KCNH8: variants seen among roughly 807,000 people sequenced by gnomAD.
The protein encoded by KCNH8 is voltage-gated delayed rectifier potassium channel KCNH8.
In KCNH8, 70 loss-of-function variants were observed where a neutral mutation model predicts 103.6. The ratio of observed to expected loss-of-function variants is 0.68; its 90% CI spans 0.56 to 0.82. KCNH8 has a LOEUF of 0.82. KCNH8 is among the 40% of genes least tolerant of loss of function. The probability of loss-of-function intolerance (pLI) is 0.00; values close to 1 mark genes in which losing one functional copy is unlikely to be tolerated. For missense variants in KCNH8, 1,217 were observed against 1,329.9 expected (o/e 0.92, Z 1.32); for synonymous variants, 498 against 489.4 (o/e 1.02, Z -0.23).
Position 19,534,395 on chromosome 3 carries a change from A to C in KCNH8, c.*296A>C. Reference sequence around the variant, plus strand: ...TCTGAGCAGCTAGAAGTCCTAGACAAAGAACTTGTGGATGACTTTTGTCCC... The same window carrying C: ...TCTGAGCAGCTAGAAGTCCTAGACACAGAACTTGTGGATGACTTTTGTCCC... On this transcript the variant is annotated 3_prime_UTR_variant, in exon 16 of 16. Transcript: ENST00000328405. The C allele has an allele frequency of 2.6e-6, 1 of 380,386 alleles. No individual in the cohort carries two copies. The highest frequency in any genetic ancestry group is 4.5e-5 in the East Asian group (1 of 22,072). 23.6% of individuals were successfully genotyped at this position (380,386 alleles called of 1,614,324 possible).
At chr3:19,220,091 C>G (rs1272002197) in intron 1 of KCNH8, among the ~76,000 whole-genome samples, 1 of 152,162 alleles carries the variant, frequency 6.6e-6, no homozygotes, top group East Asian at 1.9e-4. Flanking sequence ...GCTGAGCTAG[C>G]CAAGCCACCA....
chr3:19,205,170 C>T (rs2063702292), intron 1 of KCNH8, among the ~76,000 whole-genome samples: 1 of 151,942 alleles, frequency 6.6e-6, no homozygotes. Context: ...CTCACTCTTT[C>T]ATATATCTAA....
intron 2 of KCNH8, among the ~76,000 whole-genome samples, chr3:19,271,112 A>T (rs2064581482): frequency 6.6e-6 from 1 of 152,168 alleles, no homozygotes; most frequent in Non-Finnish European, 1.5e-5. Context: ...CACTCCTGTG[A>T]TAATGATTCC....
intron 5 of KCNH8, among the ~76,000 whole-genome samples, chr3:19,354,826 G>GA (rs1455396553): frequency 2.0e-5 from 3 of 152,126 alleles, no homozygotes; most frequent in Non-Finnish European, 4.4e-5. Context: ...CATGTGCAAG[G>GA]ACTTCATGTC....
intron 14 of KCNH8, among the ~76,000 whole-genome samples, chr3:19,515,760 A>G (rs889299468): frequency 6.6e-6 from 1 of 152,058 alleles, no homozygotes; most frequent in African/African-American, 2.4e-5. Context: ...AACATTATCT[A>G]GAGGAAATGC....
chr3:19,163,685 G>A (rs953283740), intron 1 of KCNH8, among the ~76,000 whole-genome samples: 5 of 152,082 alleles, frequency 3.3e-5, no homozygotes, highest in African/African-American at 1.2e-4. Flanking sequence ...TGAATTGCGC[G>A]AGTCCACTTA....
intron 1 of KCNH8, among the ~76,000 whole-genome samples, chr3:19,236,239 C>T (rs2064063255): frequency 6.6e-6 from 1 of 152,190 alleles, no homozygotes; most frequent in Non-Finnish European, 1.5e-5. Flanking sequence ...AAGAAGTCTT[C>T]ATTTGAGTCT....
chr3:19,211,606 CTGA>C (rs1432450620), intron 1 of KCNH8, among the ~76,000 whole-genome samples: 1 of 152,140 alleles, frequency 6.6e-6, no homozygotes, highest in African/African-American at 2.4e-5. Context: ...AGACCTCAGT[CTGA>C]TATTTTAACT....
intron 4 of KCNH8, chr3:19,346,814 T>C (rs1471674114): frequency 1.8e-5 from 7 of 390,086 alleles, no homozygotes; most frequent in Non-Finnish European, 3.1e-5. Flanking sequence ...ACCTATCTTA[T>C]ATTTCCCATT....
intron 2 of KCNH8, among the ~76,000 whole-genome samples, chr3:19,279,821 A>G (rs746536326): frequency 6.6e-6 from 1 of 152,124 alleles, no homozygotes; most frequent in Non-Finnish European, 1.5e-5. Context: ...CCAAGGCTGG[A>G]TGAATACATA....
chr3:19,532,770 T>C (rs2069185236), intron 15 of KCNH8, among the ~76,000 whole-genome samples: 1 of 152,176 alleles, frequency 6.6e-6, no homozygotes, highest in Admixed American at 6.5e-5. Context: ...AATCACTAAT[T>C]AAGATTCCCA....
chr3:19,489,242 GTAT>G (rs1041920415), intron 11 of KCNH8, among the ~76,000 whole-genome samples: 10 of 152,040 alleles, frequency 6.6e-5, no homozygotes, highest in African/African-American at 2.4e-4. Context: ...TAAGGAGGGG[GTAT>G]TCCTGGTACC....
At chr3:19,202,480 G>A (rs929335138) in intron 1 of KCNH8, among the ~76,000 whole-genome samples, 2 of 152,050 alleles carry the variant, frequency 1.3e-5, no homozygotes, top group Admixed American at 1.3e-4. Flanking sequence ...CAAAGACTAT[G>A]TGAATTGTGT....
intron 3 of KCNH8, among the ~76,000 whole-genome samples, chr3:19,337,594 T>G (rs533231947): frequency 6.6e-6 from 1 of 152,098 alleles, no homozygotes; most frequent in Non-Finnish European, 1.5e-5. Flanking sequence ...CTCCTTTTAC[T>G]CCGAACACTC....
In KCNH8 at chr3:19,390,463, C is replaced by A. The variant is rs2066420411; in HGVS notation, c.812-18C>A. The A allele has an allele frequency of 6.3e-7, 1 of 1,582,778 alleles. No homozygotes were observed. Among genetic ancestry groups the A allele is most frequent in the African/African-American group, 1.4e-5 (1 of 73,532 alleles). On this transcript the variant is annotated intron_variant, in intron 5 of 15. Transcript: ENST00000328405. The stretch of plus-strand genomic sequence containing the variant: ...CTGTCTCTTCCTTTTATTTCTCAAC[C>A]TTTTTTTTCCCAAGCAGATATTATT...
rs750765830 is a variant in KCNH8 at position 19,206,168 on chromosome 3, G to GTATA, written c.77-47472_77-47469dup. 7.5e-4 allele frequency among the ~76,000 whole-genome samples: 105 copies of GTATA among 139,242 alleles called. 1 individual carries two copies. Among genetic ancestry groups the GTATA allele is most frequent in the African/African-American group, 2.9e-3 (100 of 34,844 alleles). The allele number at this position is 139,242 out of a possible 152,430, so 91.3% of individuals were successfully genotyped here. A position where few individuals can be genotyped will look rare whatever the true frequency, so the allele number is the denominator to read the frequency against. On this transcript the variant is annotated intron_variant, in intron 1 of 15. Coordinates refer to ENST00000328405, the MANE Select transcript of KCNH8 (RefSeq NM_144633.3). ...GTATATATATATTAATGGTGTGTGT[G>GTATA]TATATATATATATATATCACAGTTA...
intron 3 of KCNH8, among the ~76,000 whole-genome samples, chr3:19,300,258 A>G (rs988595422): frequency 6.6e-6 from 1 of 150,888 alleles, no homozygotes; most frequent in African/African-American, 2.4e-5. Context: ...ATAAAAAAAA[A>G]AAAGAAAGAA....
chr3:19,201,215 T>A (rs972326855), intron 1 of KCNH8, among the ~76,000 whole-genome samples: 1 of 76,916 alleles, frequency 1.3e-5, no homozygotes, highest in African/African-American at 5.1e-5. Flanking sequence ...CTGGGTGAAG[T>A]AGCAAGACTC....
At chr3:19,425,189 A>G (rs1282206859) in intron 7 of KCNH8, among the ~76,000 whole-genome samples, 1 of 152,178 alleles carries the variant, frequency 6.6e-6, no homozygotes, top group Non-Finnish European at 1.5e-5. Flanking sequence ...TTTTCTCCAT[A>G]AATGCCTTAT....
Sources: gnomAD v4.1 joint callset for allele counts (sites outside exome capture counted in the v4.1 genomes callset) on GRCh38, gnomAD v4.1.1 for gene constraint, MANE v1.5 for transcripts, NCBI Gene and HGNC (gene_info 2026-07-23, HGNC 2026-07-21) for gene names.